The following CSMD3 variants were observed in gnomAD, a reference collection of about 807,000 sequenced individuals.
CSMD3 encodes the protein CUB and Sushi multiple domains 3, also known as CUB and sushi domain-containing protein 3.
A neutral mutation model predicts 435.2 loss-of-function variants in CSMD3; 177 were observed. That is an observed-to-expected ratio of 0.41 (90% confidence interval 0.36 to 0.46). The LOEUF is 0.46. Among genes scored for constraint, CSMD3 ranks in the 20% least tolerant of loss-of-function variants. The probability of loss-of-function intolerance (pLI) is 0.34; values close to 1 mark genes in which losing one functional copy is unlikely to be tolerated. For synonymous variants in CSMD3, 1,656 were observed against 1,520.5 expected (o/e 1.09, Z -2.07); for missense variants, 4,265 against 4,504.6 (o/e 0.95, Z 1.52).
intron 22 of CSMD3, among the ~76,000 whole-genome samples, chr8:112,631,683 T>C (rs1485923755): frequency 6.6e-6 from 1 of 152,026 alleles, no homozygotes; most frequent in Non-Finnish European, 1.5e-5. Flanking sequence ...AAGTTAATAT[T>C]CTAGAAGCTT....
chr8:113,213,115 T>C (rs2092858993), intron 3 of CSMD3, among the ~76,000 whole-genome samples: 1 of 151,970 alleles, frequency 6.6e-6, no homozygotes, highest in Non-Finnish European at 1.5e-5. Flanking sequence ...AAATGTTAAC[T>C]AAGAAAATTT....
At chr8:113,300,006 T>A (rs1335347819) in intron 2 of CSMD3, among the ~76,000 whole-genome samples, 2 of 149,686 alleles carry the variant, frequency 1.3e-5, no homozygotes, top group East Asian at 3.9e-4. Flanking sequence ...AAAAAAAAAT[T>A]AGCAAAGCAT....
chr8:112,573,330 A>G (rs1052507848), intron 24 of CSMD3, among the ~76,000 whole-genome samples, 171 bp downstream of exon 24: 12 of 152,138 alleles, frequency 7.9e-5, no homozygotes, highest in African/African-American at 2.9e-4. Flanking sequence ...AATAGCTAAA[A>G]TACCTGTAAC....
At chr8:113,136,365 A>G (rs566290044) in intron 4 of CSMD3, among the ~76,000 whole-genome samples, 1 of 151,800 alleles carries the variant, frequency 6.6e-6, no homozygotes, top group Non-Finnish European at 1.5e-5. Flanking sequence ...AAATTTGAAC[A>G]GCTAACTTTG....
intron 32 of CSMD3, among the ~76,000 whole-genome samples, chr8:112,464,019 G>A (rs59824919): frequency 0.19 from 28,165 of 151,990 alleles, 3,201 homozygotes; most frequent in Middle Eastern, 0.36. Context: ...GGCAGATCAC[G>A]AGGTCAGGAG....
At chr8:112,955,552 TAA>T (rs1185586170) in intron 7 of CSMD3, among the ~76,000 whole-genome samples, 1 of 151,860 alleles carries the variant, frequency 6.6e-6, no homozygotes. Flanking sequence ...TTTTGAAATA[TAA>T]GATACTGTTA....
chr8:112,713,399 C>T (rs564598882), intron 13 of CSMD3, among the ~76,000 whole-genome samples: 12 of 149,496 alleles, frequency 8.0e-5, no homozygotes, highest in African/African-American at 2.7e-4. Flanking sequence ...TAGGAACAAA[C>T]AAAACCTCCG....
intron 32 of CSMD3, among the ~76,000 whole-genome samples, chr8:112,465,918 T>G (rs1242156541): frequency 6.8e-6 from 1 of 147,474 alleles, no homozygotes; most frequent in Non-Finnish European, 1.5e-5. Flanking sequence ...AAGGTTGCAG[T>G]GAGCCGAGAT....
chr8:112,240,074 CTAATA>C (rs1813975443), intron 66 of CSMD3, among the ~76,000 whole-genome samples: 2 of 152,104 alleles, frequency 1.3e-5, no homozygotes, highest in Middle Eastern at 3.4e-3. Flanking sequence ...TAACTACATT[CTAATA>C]TATTTCTGTG....
intron 11 of CSMD3, among the ~76,000 whole-genome samples, chr8:112,830,502 A>C (rs2079838557): frequency 6.6e-6 from 1 of 152,134 alleles, no homozygotes; most frequent in African/African-American, 2.4e-5. Context: ...CAATTTTAAA[A>C]ATAGCTATAA....
chr8:112,919,655 T>G (rs13251514), intron 10 of CSMD3, among the ~76,000 whole-genome samples: 67,260 of 151,512 alleles, frequency 0.44, 15,087 homozygotes, highest in East Asian at 0.52. Context: ...AAACATATCA[T>G]TTTGAAGCCA....
intron 6 of CSMD3, among the ~76,000 whole-genome samples, chr8:112,976,689 T>C (rs2084861281): frequency 6.6e-6 from 1 of 152,134 alleles, no homozygotes; most frequent in African/African-American, 2.4e-5. Flanking sequence ...ATAACCACTA[T>C]ATGAAAATGT....
chr8:112,709,804 T>TTTAGGG (rs1328725885), intron 13 of CSMD3, among the ~76,000 whole-genome samples: 1 of 152,026 alleles, frequency 6.6e-6, no homozygotes, highest in Non-Finnish European at 1.5e-5. Context: ...GGCTTAATTT[T>TTTAGGG]TTAGGGTTAG....
chr8:112,328,568 A>G (rs1823733448), intron 45 of CSMD3, among the ~76,000 whole-genome samples: 1 of 152,202 alleles, frequency 6.6e-6, no homozygotes, highest in African/African-American at 2.4e-5. Flanking sequence ...AGTTTCTATC[A>G]TGAGGAATGA....
intron 39 of CSMD3, 115 bp downstream of exon 39, chr8:112,352,301 C>A (rs1826200002): frequency 6.6e-7 from 1 of 1,509,012 alleles, no homozygotes; most frequent in Non-Finnish European, 9.1e-7. Context: ...ACCCTTTTGA[C>A]CTCAGACACA....
chr8:112,605,571 A>C (rs1057483065), intron 22 of CSMD3, among the ~76,000 whole-genome samples: 1 of 152,058 alleles, frequency 6.6e-6, no homozygotes, highest in Non-Finnish European at 1.5e-5. Flanking sequence ...GTGGGAGCTA[A>C]ACACTGAGTA....
intron 38 of CSMD3, among the ~76,000 whole-genome samples, chr8:112,367,259 C>G (rs7832621): frequency 6.6e-6 from 1 of 151,896 alleles, no homozygotes; most frequent in Non-Finnish European, 1.5e-5. Flanking sequence ...ATACATCTAT[C>G]TTGTCATTAT....
chr8:112,854,970 T>A (rs1205500416), intron 11 of CSMD3, among the ~76,000 whole-genome samples: 3 of 152,152 alleles, frequency 2.0e-5, no homozygotes, highest in African/African-American at 7.2e-5. Flanking sequence ...TATTGAGCAC[T>A]AAAAATAAGG....
intron 59 of CSMD3, among the ~76,000 whole-genome samples, chr8:112,279,934 T>C (rs1586636182): frequency 1.3e-5 from 2 of 152,156 alleles, no homozygotes; most frequent in South Asian, 2.1e-4. Context: ...TTGTGTGACA[T>C]TGCACACAAA....
Sources: gnomAD v4.1 joint callset for allele counts (sites outside exome capture counted in the v4.1 genomes callset) on GRCh38, gnomAD v4.1.1 for gene constraint, MANE v1.5 for transcripts, NCBI Gene and HGNC (gene_info 2026-07-23, HGNC 2026-07-21) for gene names.